The following TTC23 variants were observed in gnomAD, a reference collection of about 807,000 sequenced individuals.
TTC23 encodes the protein tetratricopeptide repeat protein 23.
TTC23 carries 58 observed loss-of-function variants against 55.1 expected under a neutral mutation model. The ratio of observed to expected loss-of-function variants is 1.05; its 90% confidence interval spans 0.85 to 1.31. The LOEUF is 1.31. Among genes scored for constraint, TTC23 ranks in the 50% most tolerant of loss-of-function variants. The pLI, the probability that TTC23 is intolerant of heterozygous loss-of-function variation, is 0.00. For missense variants in TTC23, 516 were observed against 534.4 expected, an observed-to-expected ratio of 0.97 and a Z score of 0.34; for synonymous variants, 203 against 199.9, an observed-to-expected ratio of 1.02 and a Z score of -0.13.
intron 8 of TTC23, among the ~76,000 whole-genome samples, chr15:99,202,359 T>C (rs1226841479): frequency 6.6e-6 from 1 of 152,164 alleles, no homozygotes; most frequent in Non-Finnish European, 1.5e-5. Context: ...ATGGATCCTT[T>C]GTTTCCCAGA....
intron 9 of TTC23, among the ~76,000 whole-genome samples, chr15:99,176,291 T>C (rs1394708676): frequency 6.6e-6 from 1 of 152,120 alleles, no homozygotes; most frequent in Admixed American, 6.5e-5. Context: ...TCACAATTAA[T>C]TGCCAAAAGA....
At chr15:99,143,450 C>G (rs1343900072) in intron 12 of TTC23, among the ~76,000 whole-genome samples, 1 of 152,176 alleles carries the variant, frequency 6.6e-6, no homozygotes, top group African/African-American at 2.4e-5. Flanking sequence ...GTAAAGAACT[C>G]GCCAAACCTT....
intron 3 of TTC23, among the ~76,000 whole-genome samples, chr15:99,237,561 A>C (rs1475367011): frequency 6.6e-6 from 1 of 152,200 alleles, no homozygotes; most frequent in Admixed American, 6.5e-5. Context: ...ACGTGATTCC[A>C]TTTATATAAA....
At chr15:99,225,345 C>G (rs917768694) in intron 5 of TTC23, among the ~76,000 whole-genome samples, 1 of 152,140 alleles carries the variant, frequency 6.6e-6, no homozygotes, top group African/African-American at 2.4e-5. Context: ...AGTAGGAAGG[C>G]AATTTCAAAA....
rs745817434 is a variant in TTC23 at position 99,218,921 on chromosome 15, G to T, written c.432C>A (p.Gly144=). 2.9e-5 allele frequency: 47 copies of T among 1,613,944 alleles called. No homozygotes were observed. The highest frequency in any genetic ancestry group is 3.6e-5 in the Non-Finnish European group (42 of 1,179,960). ...KFSIELFHTM[G]RALLSLQKFK... ...ACTTTTGAAGGGAGAGTAAAGCTCT[G>T]CCCATGGTATGGAAAAGCTCAATGG... The change falls in exon 7 of 14, where the codon GGC becomes GGA. Residue 144 remains glycine (G), a synonymous_variant. Coordinates refer to ENST00000394132, the MANE Select transcript of TTC23 (RefSeq NM_001288615.3).
intron 9 of TTC23, among the ~76,000 whole-genome samples, chr15:99,190,780 GT>G (rs1596521548): frequency 6.6e-6 from 1 of 151,988 alleles, no homozygotes; most frequent in East Asian, 1.9e-4. Flanking sequence ...ACATTTATAT[GT>G]CTTTTTATTT....
chr15:99,177,533 C>T lies in TTC23; in HGVS notation c.760-2378G>A, dbSNP rs918660129. On this transcript the variant is annotated intron_variant, in intron 9 of 13. Transcript: ENST00000394132. ...GAGAAAGGAAAAAAGAGGAAATACCCACACCCTCCGAAAAAATACCAAATG... is the reference window on the plus strand; with the variant it reads ...GAGAAAGGAAAAAAGAGGAAATACCTACACCCTCCGAAAAAATACCAAATG... Among the ~76,000 whole-genome samples the T allele has an allele frequency of 4.6e-5, 7 of 152,124 alleles. No individual in the cohort carries two copies. The South Asian group carries it at 8.3e-4, about 18-fold the overall frequency.
chr15:99,239,916 T>C (rs2079630136), intron 3 of TTC23, among the ~76,000 whole-genome samples: 2 of 152,210 alleles, frequency 1.3e-5, no homozygotes, highest in South Asian at 2.1e-4. Flanking sequence ...ATTTTATAAA[T>C]AAAGACGATG....
chr15:99,176,701 TTTAA>T (rs2073600531), intron 9 of TTC23, among the ~76,000 whole-genome samples: 1 of 152,198 alleles, frequency 6.6e-6, no homozygotes, highest in Admixed American at 6.5e-5. Context: ...TAAGCTGCAC[TTTAA>T]TTCTTTTTTA....
chr15:99,199,881 C>T, intron 9 of TTC23, 38 bp downstream of exon 9: 1 of 1,574,142 alleles, frequency 6.4e-7, no homozygotes, highest in Non-Finnish European at 8.6e-7. Context: ...AAGCATTGGG[C>T]CTAGAACAGC....
At chr15:99,219,992 T>C (rs2077787407) in intron 6 of TTC23, among the ~76,000 whole-genome samples, 2 of 146,446 alleles carry the variant, frequency 1.4e-5, no homozygotes, top group South Asian at 2.2e-4. Context: ...TTATTACATA[T>C]TTTTAAAAAG....
chr15:99,196,504 G>T (rs1340460052), intron 9 of TTC23, among the ~76,000 whole-genome samples: 3 of 152,208 alleles, frequency 2.0e-5, no homozygotes, highest in Non-Finnish European at 4.4e-5. Context: ...CCTATGCTAA[G>T]TAAATGTTGC....
chr15:99,247,263 C>T (rs1399421837), intron 1 of TTC23, among the ~76,000 whole-genome samples: 3 of 152,116 alleles, frequency 2.0e-5, no homozygotes, highest in Non-Finnish European at 4.4e-5. Flanking sequence ...TTGTGCAACA[C>T]CTTGAAAAGT....
chr15:99,155,784 A>G, intron 12 of TTC23: 3 of 301,080 alleles, frequency 1.0e-5, no homozygotes, highest in Non-Finnish European at 1.8e-5. Context: ...TGCCATCCAC[A>G]CAAATAAACT....
intron 12 of TTC23, among the ~76,000 whole-genome samples, chr15:99,142,291 T>TC: frequency 6.6e-6 from 1 of 152,170 alleles, no homozygotes; most frequent in South Asian, 2.1e-4. Flanking sequence ...GCAAGATGCT[T>TC]CCCCCACTGC....
chr15:99,200,340 A>G (rs2076098586), intron 8 of TTC23, among the ~76,000 whole-genome samples: 1 of 152,192 alleles, frequency 6.6e-6, no homozygotes, highest in African/African-American at 2.4e-5. Context: ...CCAGTCACTC[A>G]GTTTCCTCAT....
rs137892118 is a variant in TTC23 at position 99,240,329 on chromosome 15, G to T, written c.-114+1036C>A. On this transcript the variant is annotated intron_variant, in intron 3 of 13. Transcript: ENST00000394132. ...TTGTCTCATGCTGCCTCTTAATATT[G>T]CATCCTTAAAAGAGAGGTTATATTT... is the stretch of plus-strand genomic sequence containing the variant. Among the ~76,000 whole-genome samples the T allele has an allele frequency of 7.0e-3, 1,063 of 152,114 alleles. 5 individuals are homozygous for T. The highest frequency in any genetic ancestry group is 0.054 in the Middle Eastern group (16 of 294).
intron 9 of TTC23, 59 bp downstream of exon 9, chr15:99,199,860 G>C: frequency 1.3e-6 from 2 of 1,493,212 alleles, no homozygotes; most frequent in Non-Finnish European, 1.8e-6. Flanking sequence ...TGTGCCACTT[G>C]TGTCTATGAA....
At chr15:99,193,872 G>C (rs2075460890) in intron 9 of TTC23, among the ~76,000 whole-genome samples, 1 of 152,092 alleles carries the variant, frequency 6.6e-6, no homozygotes, top group Non-Finnish European at 1.5e-5. Flanking sequence ...AGTTGGATGT[G>C]GTTGTGGGTG....
Sources: allele counts gnomAD v4.1 joint callset (sites outside exome capture counted in the v4.1 genomes callset), GRCh38; gene constraint gnomAD v4.1.1; transcripts MANE v1.5; gene names NCBI Gene and HGNC (gene_info 2026-07-23, HGNC 2026-07-21).